The following MOB1A variants were observed in gnomAD, a reference collection of about 807,000 sequenced individuals.
MOB1A encodes the protein MOB kinase activator 1A.
Under a neutral mutation model 25.1 loss-of-function variants are expected in MOB1A, and 10 were observed. The ratio of observed to expected loss-of-function variants is 0.40; its 90% CI spans 0.25 to 0.68. MOB1A has a LOEUF of 0.68. Among genes scored for constraint, MOB1A ranks in the 30% least tolerant of loss-of-function variants. The pLI is 0.40. For synonymous variants in MOB1A, 81 were observed against 79.5 expected, an observed-to-expected ratio of 1.02 and a Z score of -0.10; for missense variants, 177 against 256.3, an observed-to-expected ratio of 0.69 and a Z score of 2.11.
chr2:74,159,817 G>GT (rs148744685), intron 4 of MOB1A, among the ~76,000 whole-genome samples: 1,253 of 99,170 alleles, frequency 0.013, 28 homozygotes, highest in African/African-American at 0.044. Flanking sequence ...TTTGTTTTTT[G>GT]TCCCCCCCCC....
chr2:74,159,884 A>G (rs1395380457), intron 4 of MOB1A, among the ~76,000 whole-genome samples: 28 of 135,070 alleles, frequency 2.1e-4, no homozygotes, highest in Non-Finnish European at 4.2e-4. Context: ...TAGCATGATC[A>G]TGGTTCATTG....
At chr2:74,176,073 C>T (rs1188935891) in intron 1 of MOB1A, among the ~76,000 whole-genome samples, 2 of 140,096 alleles carry the variant, frequency 1.4e-5, no homozygotes, top group Admixed American at 7.6e-5. Flanking sequence ...TAGTGAAACC[C>T]CGCCTCTACT....
In MOB1A at chr2:74,155,736, A is replaced by C. The variant is rs913172875; in HGVS notation, c.*832T>G. ...ATAAAAATAGTGGTTTTGAGATCTA[A>C]ATTTATTAATATTTTGGATTCCTTT... On this transcript the variant is annotated 3_prime_UTR_variant, in exon 6 of 6. Transcript: ENST00000396049. 3 of 152,586 alleles carry C rather than the reference A, an allele frequency of 2.0e-5. No homozygotes were observed. The highest frequency in any genetic ancestry group is 6.5e-5 in the Admixed American group (1 of 15,284). The allele number at this position is 152,586 out of a possible 1,614,324, so 9.5% of individuals were successfully genotyped here.
rs986209175 is a variant in MOB1A, at chr2:74,166,809, C to G, written c.275+205G>C. 3.3e-5 allele frequency among the ~76,000 whole-genome samples: 5 copies of G among 152,194 alleles called. No individual in the cohort carries two copies. In the South Asian group the frequency reaches 8.3e-4, roughly 25 times the overall value. On this transcript the variant is annotated intron_variant, in intron 3 of 5. Transcript: ENST00000396049. Reference sequence around the variant, plus strand: ...CCAGGATCACACACTGCAATCCAGCCTGGCAACAGAGCGAGACTCTGTCTC... The same window carrying G: ...CCAGGATCACACACTGCAATCCAGCGTGGCAACAGAGCGAGACTCTGTCTC...
At chr2:74,158,332 C>G (rs958518034) in intron 5 of MOB1A, among the ~76,000 whole-genome samples, 7 of 151,942 alleles carry the variant, frequency 4.6e-5, no homozygotes, top group African/African-American at 1.7e-4. Context: ...CTATAATACA[C>G]AGTATCTACT....
chr2:74,172,531 A>G lies in MOB1A; in HGVS notation c.181+55T>C, dbSNP rs552457424. The G allele has an allele frequency of 3.9e-6, 6 of 1,533,138 alleles. No individual in the cohort carries two copies. In the East Asian group the frequency reaches 1.1e-4, roughly 29 times the overall value. The allele number at this position is 1,533,138 out of a possible 1,614,324, so 95.0% of individuals were successfully genotyped here. ...ACTGTAAAAGAAAATTCATTAACAA[A>G]GAGATTTTAGCAAAACCTTTCTAGA... On this transcript the variant is annotated intron_variant, in intron 2 of 5. Transcript: ENST00000396049.
At chr2:74,159,026 G>T in intron 5 of MOB1A, 65 bp downstream of exon 5, 1 of 1,523,666 alleles carries the variant, frequency 6.6e-7, no homozygotes, top group Non-Finnish European at 9.0e-7. Context: ...ACAGCTCTTT[G>T]TTGAAGTTCC....
intron 4 of MOB1A, among the ~76,000 whole-genome samples, chr2:74,162,004 G>A (rs1042732178): frequency 2.6e-5 from 4 of 152,078 alleles, no homozygotes; most frequent in East Asian, 3.9e-4. Context: ...TTATCAGAAT[G>A]TATAAATGGG....
Position 74,172,764 on chromosome 2 carries a change from A to T in MOB1A, c.15-12T>A, listed in dbSNP as rs762805768. The stretch of plus-strand genomic sequence containing the variant: ...AAGAGCGGCTGCTGCTGTAAGATTA[A>T]AAGTGCAAGTATATGAATTTTTAAG... On this transcript the variant is annotated splice_polypyrimidine_tract_variant and intron_variant, in intron 1 of 5. Coordinates refer to ENST00000396049, the MANE Select transcript of MOB1A (RefSeq NM_018221.5). The T allele has an allele frequency of 1.2e-6, 2 of 1,609,222 alleles. No homozygotes were observed. Among genetic ancestry groups the T allele is most frequent in the Non-Finnish European group, 1.7e-6 (2 of 1,177,332 alleles).
rs572558861 is a variant in MOB1A at position 74,154,086 on chromosome 2, G to C, written c.*2482C>G. Reference sequence around the variant, plus strand: ...GGCACCTGTAGTTCCAGCTACTCAGGAGAGGCTGGGGCAGGAGAATGGCAT... The same window carrying C: ...GGCACCTGTAGTTCCAGCTACTCAGCAGAGGCTGGGGCAGGAGAATGGCAT... On this transcript the variant is annotated 3_prime_UTR_variant, in exon 6 of 6. Coordinates refer to ENST00000396049, the MANE Select transcript of MOB1A (RefSeq NM_018221.5). The C allele has an allele frequency of 3.3e-5, 5 of 151,808 alleles. No homozygotes were observed. Among genetic ancestry groups the C allele is most frequent in the African/African-American group, 1.2e-4 (5 of 41,246 alleles). 9.4% of individuals were successfully genotyped at this position (151,808 alleles called of 1,614,324 possible).
chr2:74,171,177 G>C (rs1693284551), intron 2 of MOB1A, among the ~76,000 whole-genome samples: 1 of 151,992 alleles, frequency 6.6e-6, no homozygotes. Context: ...AGCTACTGGG[G>C]AGGCTGAGGC....
At chr2:74,177,891 T>C (rs968745387) in intron 1 of MOB1A, 7 of 152,216 alleles carry the variant, frequency 4.6e-5, no homozygotes, top group African/African-American at 1.7e-4. Flanking sequence ...ACAAGCTTTT[T>C]CATTTTAGCC....
At chr2:74,161,518 G>A (rs1328162566) in intron 4 of MOB1A, among the ~76,000 whole-genome samples, 3 of 151,906 alleles carry the variant, frequency 2.0e-5, no homozygotes, top group South Asian at 4.2e-4. Context: ...GGCGGCACCT[G>A]TAGTCCCAGC....
chr2:74,160,271 C>T (rs1313603498), intron 4 of MOB1A, among the ~76,000 whole-genome samples: 1 of 152,036 alleles, frequency 6.6e-6, no homozygotes, highest in Non-Finnish European at 1.5e-5. Flanking sequence ...TGCCTGAGCT[C>T]ATAAGCCTGA....
chr2:74,169,634 C>T (rs1366587092), intron 2 of MOB1A, among the ~76,000 whole-genome samples: 1 of 151,424 alleles, frequency 6.6e-6, no homozygotes, highest in East Asian at 1.9e-4. Context: ...TTGTATTTTA[C>T]CTTGTTTTTC....
intron 1 of MOB1A, among the ~76,000 whole-genome samples, chr2:74,177,669 TA>T (rs139471838): frequency 0.055 from 8,175 of 148,004 alleles, 672 homozygotes; most frequent in African/African-American, 0.18. Flanking sequence ...TTATAAAAAA[TA>T]AAAAAAAAAC....
intron 2 of MOB1A, among the ~76,000 whole-genome samples, chr2:74,168,899 C>T (rs1159124960): frequency 2.6e-5 from 4 of 152,124 alleles, no homozygotes; most frequent in Admixed American, 2.6e-4. Flanking sequence ...ATTCTCAAAA[C>T]GTGGTCCAGG....
chr2:74,160,887 T>C (rs543070554), intron 4 of MOB1A, among the ~76,000 whole-genome samples: 4 of 151,972 alleles, frequency 2.6e-5, no homozygotes, highest in South Asian at 2.1e-4. Context: ...GGTGAAACCC[T>C]GTCTCTACTA....
chr2:74,158,608 G>A (rs557063087), intron 5 of MOB1A, among the ~76,000 whole-genome samples: 210 of 151,990 alleles, frequency 1.4e-3, no homozygotes, highest in African/African-American at 4.8e-3. Context: ...GGGAAACCCC[G>A]TCTCTACTAA....
Sources: allele counts gnomAD v4.1 joint callset (sites outside exome capture counted in the v4.1 genomes callset), GRCh38; gene constraint gnomAD v4.1.1; transcripts MANE v1.5; gene names NCBI Gene and HGNC (gene_info 2026-07-23, HGNC 2026-07-21).